CPAMD8: variants seen among roughly 807,000 people sequenced by gnomAD.
CPAMD8 encodes the protein C3 and PZP-like alpha-2-macroglobulin domain-containing protein 8.
In CPAMD8, 146 loss-of-function variants were observed where a neutral mutation model predicts 224.7. The observed-to-expected ratio is 0.65, with a 90% CI of 0.57 to 0.75. The LOEUF is 0.75. Ranked by LOEUF, CPAMD8 falls within the 30% of genes least tolerant of loss-of-function variation. The pLI is 0.00. For synonymous variants in CPAMD8, 966 were observed against 1,044.6 expected, an observed-to-expected ratio of 0.92 and a Z score of 1.45; for missense variants, 2,301 against 2,537.5, an observed-to-expected ratio of 0.91 and a Z score of 2.00.
intron 5 of CPAMD8, chr19:17,009,641 G>C: frequency 4.5e-6 from 1 of 220,862 alleles, no homozygotes; most frequent in Admixed American, 4.8e-5. Flanking sequence ...GGGCATGGTC[G>C]TGGGTGCCTG....
intron 18 of CPAMD8, among the ~76,000 whole-genome samples, chr19:16,966,512 A>G (rs2122574122): frequency 6.6e-6 from 1 of 152,344 alleles, no homozygotes; most frequent in Non-Finnish European, 1.5e-5. Context: ...TAAACTAAAG[A>G]GCTTCTGCAT....
At chr19:16,943,158 G>A (rs1237857542) in intron 22 of CPAMD8, among the ~76,000 whole-genome samples, 1 of 151,810 alleles carries the variant, frequency 6.6e-6, no homozygotes, top group African/African-American at 2.4e-5. Flanking sequence ...TGGGACTACA[G>A]GTGTGTGCCA....
At position 16,952,034 on chromosome 19, in the gene CPAMD8, T is replaced by A. The variant is rs1447679486; in HGVS notation, c.2443A>T (p.Ile815Phe). The A allele has an allele frequency of 2.5e-6, 4 of 1,584,328 alleles. No individual in the cohort carries two copies. The highest frequency in any genetic ancestry group is 3.4e-6 in the Non-Finnish European group (4 of 1,163,844). The change falls in exon 20 of 42, where the codon ATC (isoleucine) becomes TTC (phenylalanine). Residue 815 changes from isoleucine to phenylalanine, a missense_variant. Ile to Phe is a conservative substitution (Grantham distance 21, BLOSUM62 0). Around this residue, in one of 4 missense-constraint regions of CPAMD8, gnomAD observed 1,709 missense variants for 1,753.2 expected, o/e 0.97. Transcript: ENST00000443236. ...ATCTTGACCTGCTCCCCACGGATGATGAGAGCGGGGAGCATGAAGTCCACG... is the reference window on the plus strand; with the variant it reads ...ATCTTGACCTGCTCCCCACGGATGAAGAGAGCGGGGAGCATGAAGTCCACG... The part of the protein sequence containing the change: ...FFVDFMLPAL[I>F]IRGEQVKIPL...
chr19:16,896,769 C>G (rs1259804586), intron 39 of CPAMD8, 104 bp from the exon 40 acceptor site: 2 of 793,224 alleles, frequency 2.5e-6, no homozygotes, highest in South Asian at 2.9e-5. Context: ...GGGCCCACTA[C>G]CCCCTCGGTG....
chr19:16,915,898 CTT>C (rs1386318219), intron 27 of CPAMD8, among the ~76,000 whole-genome samples: 3 of 150,568 alleles, frequency 2.0e-5, no homozygotes, highest in Non-Finnish European at 4.4e-5. Flanking sequence ...CTTTTTCTTT[CTT>C]TCTTTCTCTT....
At chr19:16,977,994 A>C (rs1236335017) in intron 14 of CPAMD8, among the ~76,000 whole-genome samples, 1 of 152,076 alleles carries the variant, frequency 6.6e-6, no homozygotes, top group East Asian at 1.9e-4. Flanking sequence ...ACTTGAACCG[A>C]GTTCATACTG....
intron 18 of CPAMD8, among the ~76,000 whole-genome samples, chr19:16,965,771 A>T (rs2054807587): frequency 6.6e-6 from 1 of 152,220 alleles, no homozygotes; most frequent in South Asian, 2.1e-4. Flanking sequence ...AATACCTAGG[A>T]ATCCAACTTA....
intron 22 of CPAMD8, among the ~76,000 whole-genome samples, chr19:16,939,591 C>G (rs954701624): frequency 1.3e-4 from 20 of 152,140 alleles, no homozygotes; most frequent in African/African-American, 4.3e-4. Flanking sequence ...TGGGCGCGTC[C>G]AGGAAGTGCT....
At chr19:16,969,217 G>C (rs939980592) in intron 18 of CPAMD8, among the ~76,000 whole-genome samples, 1 of 152,130 alleles carries the variant, frequency 6.6e-6, no homozygotes, top group African/African-American at 2.4e-5. Context: ...TTGTGCACTG[G>C]GGTAGGGCTA....
At position 16,967,899 on chromosome 19, in the gene CPAMD8, GTA is replaced by G. The variant is rs1310957370; in HGVS notation, c.2213+2990_2213+2991del. Among the ~76,000 whole-genome samples, 158 of 139,084 alleles carry G rather than the reference GTA, an allele frequency of 1.1e-3. 2 individuals carry two copies. Among genetic ancestry groups the G allele is most frequent in the African/African-American group, 4.2e-3 (149 of 35,722 alleles). 91.2% of individuals were successfully genotyped at this position (139,084 alleles called of 152,430 possible). On this transcript the variant is annotated intron_variant, in intron 18 of 41. Coordinates refer to ENST00000443236, the MANE Select transcript of CPAMD8 (RefSeq NM_015692.5). ...TGCATATATACACACACATGTGTGT[GTA>G]TATATGTGCATATATACACACACAT...
At position 16,981,372 on chromosome 19, in the gene CPAMD8, A is replaced by T. The variant is rs536839226; in HGVS notation, c.1396-686T>A. Among the ~76,000 whole-genome samples, 42 of 151,956 alleles carry T rather than the reference A, an allele frequency of 2.8e-4. 1 individual carries two copies. Among genetic ancestry groups the T allele is most frequent in the Non-Finnish European group, 1.2e-4 (8 of 67,990 alleles). The stretch of plus-strand genomic sequence containing the variant: ...TGAGACCCTGTCTCCAAAAAAAAAT[A>T]AAAATAAAATACTGTTTCCTAACTT... On this transcript the variant is annotated intron_variant, in intron 13 of 41. Coordinates refer to ENST00000443236, the MANE Select transcript of CPAMD8 (RefSeq NM_015692.5).
chr19:16,983,438 C>T (rs1296899219), intron 13 of CPAMD8, among the ~76,000 whole-genome samples: 1 of 150,910 alleles, frequency 6.6e-6, no homozygotes, highest in East Asian at 1.9e-4. Flanking sequence ...AACAATAAAC[C>T]TATTTTTCTT....
intron 32 of CPAMD8, 38 bp downstream of exon 32, chr19:16,904,188 C>CCA: frequency 7.3e-7 from 1 of 1,370,620 alleles, no homozygotes; most frequent in Admixed American, 1.9e-5. Context: ...CCCACCCACC[C>CCA]AGCCCTGAGC....
chr19:16,904,093 C>T lies in CPAMD8; in HGVS notation c.4251+133G>A, dbSNP rs942533470. On this transcript the variant is annotated intron_variant, in intron 32 of 41. Coordinates refer to ENST00000443236, the MANE Select transcript of CPAMD8 (RefSeq NM_015692.5). ...AGGGGCATCTGTCCCTCACCCCCAA[C>T]CCCTGCCCTCTTTGGGGCTCCATAA... The T allele has an allele frequency of 3.4e-5, 37 of 1,095,648 alleles. No individual in the cohort carries two copies. The African/African-American group carries it at 4.5e-4, about 13-fold the overall frequency. 67.9% of individuals were successfully genotyped at this position (1,095,648 alleles called of 1,614,324 possible). A position where few individuals can be genotyped will look rare whatever the true frequency, so the allele number is the denominator to read the frequency against.
intron 8 of CPAMD8, among the ~76,000 whole-genome samples, chr19:17,002,910 C>CTTTT (rs34659000): frequency 7.4e-6 from 1 of 134,498 alleles, no homozygotes; most frequent in African/African-American, 2.9e-5. Context: ...CTTTTCTTTT[C>CTTTT]TTTTTTTTTT....
chr19:16,927,974 T>G, intron 25 of CPAMD8, 35 bp downstream of exon 25: 2 of 1,504,000 alleles, frequency 1.3e-6, no homozygotes, highest in Non-Finnish European at 1.9e-6. Flanking sequence ...TCTTGCCCCC[T>G]GACCTCTCCA....
intron 18 of CPAMD8, among the ~76,000 whole-genome samples, chr19:16,967,924 CAT>C (rs1491112977): frequency 6.2e-4 from 85 of 137,096 alleles, no homozygotes; most frequent in African/African-American, 1.8e-3. Flanking sequence ...TATACACACA[CAT>C]GTGTGTATAT....
chr19:16,993,384 C>G (rs1448645726), intron 12 of CPAMD8, 32 bp downstream of exon 12: 1 of 1,594,670 alleles, frequency 6.3e-7, no homozygotes, highest in Non-Finnish European at 8.5e-7. Context: ...TACCTGCTGG[C>G]TGAATAACAA....
intron 10 of CPAMD8, among the ~76,000 whole-genome samples, chr19:16,998,945 T>C (rs2056221663): frequency 6.6e-6 from 1 of 152,036 alleles, no homozygotes; most frequent in South Asian, 2.1e-4. Context: ...CACCAGCGGA[T>C]GAAGGGATAA....
Sources: allele counts gnomAD v4.1 joint callset (sites outside exome capture counted in the v4.1 genomes callset), GRCh38; gene constraint gnomAD v4.1.1; regional missense constraint gnomAD v4.1.1; transcripts MANE v1.5; gene names NCBI Gene and HGNC (gene_info 2026-07-23, HGNC 2026-07-21).